ARHGAP24: variants seen among roughly 807,000 people sequenced by gnomAD.
The protein encoded by ARHGAP24 is rho GTPase-activating protein 24.
In ARHGAP24, 50 loss-of-function variants were observed where a neutral mutation model predicts 76.4. The observed-to-expected ratio is 0.65, with a 90% CI of 0.52 to 0.83. ARHGAP24 has a LOEUF of 0.83. Ranked by LOEUF, ARHGAP24 falls within the 40% of genes least tolerant of loss-of-function variation. The pLI, the probability that ARHGAP24 is intolerant of heterozygous loss-of-function variation, is 0.00. For synonymous variants in ARHGAP24, 345 were observed against 323.3 expected (o/e 1.07, Z -0.72); for missense variants, 930 against 914.2 (o/e 1.02, Z -0.22).
At chr4:85,612,083 T>TACACACACACACACAC (rs34030905) in intron 2 of ARHGAP24, among the ~76,000 whole-genome samples, 137 of 143,844 alleles carry the variant, frequency 9.5e-4, no homozygotes, top group East Asian at 6.7e-3. Context: ...TTCATTACAT[T>TACACACACACACACAC]ACACACACAC....
At chr4:85,576,299 G>A (rs970536392) in intron 2 of ARHGAP24, among the ~76,000 whole-genome samples, 1 of 152,056 alleles carries the variant, frequency 6.6e-6, no homozygotes, top group Non-Finnish European at 1.5e-5. Flanking sequence ...GCATGGTGGC[G>A]GGCGCCTGTA....
intron 2 of ARHGAP24, among the ~76,000 whole-genome samples, chr4:85,593,596 A>G (rs1728204110): frequency 6.6e-6 from 1 of 152,164 alleles, no homozygotes; most frequent in Non-Finnish European, 1.5e-5. Context: ...GAAGTCTTAT[A>G]CTTAAATCCT....
rs546680494 is a variant in ARHGAP24, at chr4:85,851,049, T to G, written c.269-72599T>G. ...GATCTGTTTAATATTGACAGTGGGG[T>G]GTTAAAGTCTCCCATTATTATTGTG... On this transcript the variant is annotated intron_variant, in intron 3 of 9. Coordinates refer to ENST00000395184, the MANE Select transcript of ARHGAP24 (RefSeq NM_001025616.3). Among the ~76,000 whole-genome samples the G allele has an allele frequency of 5.3e-3, 809 of 152,240 alleles. 9 individuals carry two copies. Among genetic ancestry groups the G allele is most frequent in the African/African-American group, 0.017 (692 of 41,546 alleles).
intron 2 of ARHGAP24, among the ~76,000 whole-genome samples, chr4:85,707,506 A>G (rs1445351382): frequency 6.6e-6 from 1 of 152,236 alleles, no homozygotes; most frequent in African/African-American, 2.4e-5. Context: ...TAATAATCAT[A>G]AAATACAAGT....
chr4:85,569,801 G>A (rs1439999404), intron 1 of ARHGAP24, among the ~76,000 whole-genome samples: 1 of 152,206 alleles, frequency 6.6e-6, no homozygotes, highest in Non-Finnish European at 1.5e-5. Flanking sequence ...CTTGAGATAT[G>A]TTCACCTATG....
At chr4:85,832,312 G>T (rs555759355) in intron 3 of ARHGAP24, among the ~76,000 whole-genome samples, 1 of 152,304 alleles carries the variant, frequency 6.6e-6, no homozygotes, top group African/African-American at 2.4e-5. Context: ...GTGGCCCAGA[G>T]CATGAGAGCC....
chr4:85,710,648 C>T (rs1477868471), intron 2 of ARHGAP24, among the ~76,000 whole-genome samples: 1 of 152,030 alleles, frequency 6.6e-6, no homozygotes, highest in Non-Finnish European at 1.5e-5. Flanking sequence ...AAAAAGTGGA[C>T]AAATGGCATG....
At chr4:85,633,639 T>G (rs1721228122) in intron 2 of ARHGAP24, among the ~76,000 whole-genome samples, 1 of 151,704 alleles carries the variant, frequency 6.6e-6, no homozygotes, top group Admixed American at 6.6e-5. Context: ...AGAAGGTGAG[T>G]GAGAAGCACC....
rs781623663 is a variant in ARHGAP24 at position 85,942,164 on chromosome 4, C to T, written c.490C>T (p.Arg164Ter). Residue 164 changes from arginine (R) to a stop codon, truncating the protein, a stop_gained, in exon 5 of 10, where the codon CGA becomes TGA. Coordinates refer to ENST00000395184, the MANE Select transcript of ARHGAP24 (RefSeq NM_001025616.3). LOFTEE classifies it high-confidence loss of function. ...MLVEQCVDFI[R>*]QRGLKEEGLF... Reference sequence around the variant, plus strand: ...GGTGGAGCAGTGCGTGGACTTTATCCGACAAAGGGGGCTGAAAGAAGAGGG... The same window carrying T: ...GGTGGAGCAGTGCGTGGACTTTATCTGACAAAGGGGGCTGAAAGAAGAGGG... 1.9e-6 allele frequency: 3 copies of T among 1,613,896 alleles called. No individual in the cohort carries two copies. The highest frequency in any genetic ancestry group is 1.7e-5 in the Admixed American group (1 of 59,978).
chr4:85,940,345 C>A (rs1469152995), intron 4 of ARHGAP24, among the ~76,000 whole-genome samples: 2 of 151,704 alleles, frequency 1.3e-5, no homozygotes, highest in African/African-American at 4.8e-5. Flanking sequence ...CCTAATGGAC[C>A]AAAGATGACT....
chr4:85,495,272 G>A (rs1017039681), intron 1 of ARHGAP24, among the ~76,000 whole-genome samples: 15 of 151,546 alleles, frequency 9.9e-5, no homozygotes, highest in African/African-American at 3.6e-4. Context: ...GGGTCAGAAG[G>A]AAGAGAGCGG....
chr4:85,667,370 G>T (rs58797969), intron 2 of ARHGAP24, among the ~76,000 whole-genome samples: 5 of 152,226 alleles, frequency 3.3e-5, no homozygotes, highest in Admixed American at 6.5e-5. Flanking sequence ...TATTAGGATG[G>T]GAGTGACCCG....
chr4:85,479,713 G>A (rs1046255658), intron 1 of ARHGAP24, among the ~76,000 whole-genome samples: 1 of 152,088 alleles, frequency 6.6e-6, no homozygotes, highest in Non-Finnish European at 1.5e-5. Flanking sequence ...CAAATCCAAA[G>A]TTTCTTCCTG....
At chr4:85,967,447 A>G (rs1474197191) in intron 5 of ARHGAP24, among the ~76,000 whole-genome samples, 1 of 152,204 alleles carries the variant, frequency 6.6e-6, no homozygotes, top group South Asian at 2.1e-4. Flanking sequence ...AGAATATAAA[A>G]TTAAGTCAAT....
At chr4:85,872,232 C>T (rs1329996946) in intron 3 of ARHGAP24, among the ~76,000 whole-genome samples, 3 of 151,844 alleles carry the variant, frequency 2.0e-5, no homozygotes, top group Admixed American at 1.3e-4. Context: ...CTTATATTTA[C>T]ATTAGGGAGA....
At chr4:85,966,392 G>A (rs1738607565) in intron 5 of ARHGAP24, among the ~76,000 whole-genome samples, 1 of 152,156 alleles carries the variant, frequency 6.6e-6, no homozygotes, top group Non-Finnish European at 1.5e-5. Flanking sequence ...CTAGTTCAAT[G>A]TAGTCCAGCA....
intron 1 of ARHGAP24, among the ~76,000 whole-genome samples, chr4:85,524,553 T>A (rs1373113167): frequency 6.6e-6 from 1 of 152,192 alleles, no homozygotes; most frequent in Non-Finnish European, 1.5e-5. Context: ...ATGAGGTTAT[T>A]CCTATTTTAC....
chr4:85,988,172 A>C (rs1451960201), intron 8 of ARHGAP24, among the ~76,000 whole-genome samples: 1 of 151,936 alleles, frequency 6.6e-6, no homozygotes, highest in African/African-American at 2.4e-5. Context: ...ACTACAAGAA[A>C]CGTTAAATAG....
At chr4:85,795,258 A>C (rs759120237) in intron 3 of ARHGAP24, among the ~76,000 whole-genome samples, 1 of 152,224 alleles carries the variant, frequency 6.6e-6, no homozygotes, top group Non-Finnish European at 1.5e-5. Context: ...GCAAGAAAAT[A>C]CAGTAATAAT....
Sources: gnomAD v4.1 joint callset for allele counts (sites outside exome capture counted in the v4.1 genomes callset) on GRCh38, gnomAD v4.1.1 for gene constraint, MANE v1.5 for transcripts, NCBI Gene and HGNC (gene_info 2026-07-23, HGNC 2026-07-21) for gene names.